Variants in ARMC3 observed in about 807,000 individuals in gnomAD.
ARMC3 encodes the protein armadillo repeat-containing protein 3.
A neutral mutation model predicts 90.3 loss-of-function variants in ARMC3; 74 were observed. The observed-to-expected ratio is 0.82, with a 90% CI of 0.68 to 0.99. The LOEUF is 0.99. Ranked by LOEUF, ARMC3 falls within the 50% of genes least tolerant of loss-of-function variation. ARMC3 has a pLI of 0.00. For missense variants in ARMC3, 958 were observed against 1,042.8 expected (o/e 0.92, Z 1.12); for synonymous variants, 334 against 361.8 (o/e 0.92, Z 0.87).
chr10:22,970,655 G>A (rs1030937370), intron 8 of ARMC3, among the ~76,000 whole-genome samples: 1 of 152,172 alleles, frequency 6.6e-6, no homozygotes. Context: ...ACAGAGATGC[G>A]GTGTTCAGGA....
intron 2 of ARMC3, among the ~76,000 whole-genome samples, chr10:22,941,316 T>C (rs1834321100): frequency 6.6e-6 from 1 of 152,212 alleles, no homozygotes; most frequent in Non-Finnish European, 1.5e-5. Flanking sequence ...TACAGATGTA[T>C]ACATTCCTCA....
At chr10:22,954,486 A>AC (rs1294915328) in intron 3 of ARMC3, among the ~76,000 whole-genome samples, 1 of 150,844 alleles carries the variant, frequency 6.6e-6, no homozygotes, top group Non-Finnish European at 1.5e-5. Context: ...ACATAGTGAG[A>AC]CCCCATCTCT....
intron 4 of ARMC3, among the ~76,000 whole-genome samples, chr10:22,957,211 C>G (rs377267193): frequency 6.6e-6 from 1 of 151,986 alleles, no homozygotes; most frequent in East Asian, 1.9e-4. Context: ...TTCCCTGGAC[C>G]CCGTGTGATG....
At chr10:22,970,740 G>A (rs1198482208) in intron 8 of ARMC3, among the ~76,000 whole-genome samples, 1 of 152,196 alleles carries the variant, frequency 6.6e-6, no homozygotes, top group Non-Finnish European at 1.5e-5. Context: ...TTGGTTGAAA[G>A]AGGAAGAAGG....
intron 15 of ARMC3, 71 bp downstream of exon 15, chr10:23,008,445 A>G: frequency 1.1e-6 from 1 of 869,656 alleles, no homozygotes; most frequent in Non-Finnish European, 1.8e-6. Context: ...AATGTTTTAG[A>G]TTTTAGATTG....
intron 11 of ARMC3, among the ~76,000 whole-genome samples, chr10:23,000,953 G>A (rs973842734): frequency 4.6e-5 from 7 of 151,828 alleles, no homozygotes; most frequent in Admixed American, 2.0e-4. Flanking sequence ...TTTTATACAC[G>A]AGTGATGTCT....
Position 22,981,604 on chromosome 10 carries a change from A to G in ARMC3, c.1079A>G (p.Gln360Arg). ...KDFFNNQGIP[Q>R]LIQLLKSDNE... The stretch of plus-strand genomic sequence containing the variant: ...CTTTCTCTTTCTGTAGGGATTCCAC[A>G]GTTAATTCAGTTGCTAAAAAGTGAC... The change falls in exon 10 of 19, where the codon CAG (glutamine) becomes CGG (arginine). Residue 360 changes from glutamine (Q) to arginine (R), a missense_variant. By Grantham distance (43) the Gln-to-Arg change is conservative. Transcript: ENST00000298032. The G allele has an allele frequency of 6.2e-7, 1 of 1,614,108 alleles. No individual in the cohort carries two copies. Among genetic ancestry groups the G allele is most frequent in the Non-Finnish European group, 8.5e-7 (1 of 1,179,996 alleles).
At chr10:22,975,554 A>G (rs1308916395) in intron 8 of ARMC3, among the ~76,000 whole-genome samples, 6 of 152,132 alleles carry the variant, frequency 3.9e-5, no homozygotes, top group Non-Finnish European at 8.8e-5. Flanking sequence ...AACAACAGAG[A>G]AAGTCCATCT....
At chr10:22,944,615 T>TA (rs901467745) in intron 2 of ARMC3, among the ~76,000 whole-genome samples, 8 of 152,162 alleles carry the variant, frequency 5.3e-5, no homozygotes, top group African/African-American at 7.2e-5. Flanking sequence ...CTTTTCAGAT[T>TA]AAAAAAAACC....
intron 10 of ARMC3, among the ~76,000 whole-genome samples, chr10:22,993,440 C>T (rs894196434): frequency 6.6e-6 from 1 of 152,188 alleles, no homozygotes; most frequent in African/African-American, 2.4e-5. Context: ...ATTTCAAGAG[C>T]AGCTGTAAGT....
intron 1 of ARMC3, among the ~76,000 whole-genome samples, chr10:22,928,539 CAAG>C (rs1450952625): frequency 6.6e-6 from 1 of 152,042 alleles, no homozygotes; most frequent in Non-Finnish European, 1.5e-5. Context: ...CTCCAGTAGT[CAAG>C]AAGATGCATT....
At chr10:22,997,606 A>G (rs1054642171) in intron 10 of ARMC3, among the ~76,000 whole-genome samples, 7 of 152,348 alleles carry the variant, frequency 4.6e-5, no homozygotes, top group Admixed American at 1.3e-4. Flanking sequence ...GCCTACAATT[A>G]ACAACCTAAT....
intron 3 of ARMC3, among the ~76,000 whole-genome samples, chr10:22,953,542 G>T (rs1834813437): frequency 6.6e-6 from 1 of 151,464 alleles, no homozygotes; most frequent in African/African-American, 2.4e-5. Context: ...CCTAATAAAA[G>T]ATATCTACAA....
chr10:22,986,209 C>T (rs949586492), intron 10 of ARMC3, among the ~76,000 whole-genome samples: 3 of 150,622 alleles, frequency 2.0e-5, no homozygotes, highest in Non-Finnish European at 4.4e-5. Context: ...AGAACACTGT[C>T]CATCCCATAG....
At chr10:23,016,904 C>T (rs566901500) in intron 16 of ARMC3, among the ~76,000 whole-genome samples, 5 of 152,242 alleles carry the variant, frequency 3.3e-5, no homozygotes, top group East Asian at 3.9e-4. Context: ...TATTCAGTGA[C>T]GAAGTATTGG....
At chr10:22,994,309 G>A (rs1209012690) in intron 10 of ARMC3, among the ~76,000 whole-genome samples, 5 of 152,258 alleles carry the variant, frequency 3.3e-5, no homozygotes, top group Admixed American at 2.0e-4. Context: ...CTTAGAGCAC[G>A]GAGCAACAGG....
intron 4 of ARMC3, among the ~76,000 whole-genome samples, chr10:22,957,554 A>G (rs1360124100): frequency 6.6e-6 from 1 of 152,178 alleles, no homozygotes; most frequent in East Asian, 1.9e-4. Flanking sequence ...GACTATGGTA[A>G]TACTAGTTAA....
intron 2 of ARMC3, 80 bp from the exon 3 acceptor site, chr10:22,946,064 T>G (rs1834514263): frequency 3.0e-6 from 3 of 1,011,010 alleles, no homozygotes; most frequent in Non-Finnish European, 4.4e-6. Flanking sequence ...ACATTTTCTT[T>G]AAGTTTTAAG....
At position 23,005,603 on chromosome 10, in the gene ARMC3, G is replaced by A. The variant is rs188832931; in HGVS notation, c.1732-1281G>A. Among the ~76,000 whole-genome samples the A allele has an allele frequency of 1.4e-3, 209 of 152,282 alleles. 2 individuals carry two copies. The highest frequency in any genetic ancestry group is 4.9e-3 in the African/African-American group (205 of 41,566). ...GCACTGGCTTGGTGCGGTGGCACAC[G>A]CCTGTAATCCCAGCACTTTGGGAGG... On this transcript the variant is annotated intron_variant, in intron 13 of 18. Transcript: ENST00000298032.
Sources: gnomAD v4.1 joint callset for allele counts (sites outside exome capture counted in the v4.1 genomes callset) on GRCh38, gnomAD v4.1.1 for gene constraint, MANE v1.5 for transcripts, NCBI Gene and HGNC (gene_info 2026-07-23, HGNC 2026-07-21) for gene names.